Variants in IFTAP observed in about 807,000 individuals in gnomAD.
IFTAP encodes the protein intraflagellar transport associated protein.
IFTAP carries 19 observed loss-of-function variants against 19.4 expected under a neutral mutation model. The ratio of observed to expected loss-of-function variants is 0.98; its 90% CI spans 0.68 to 1.44. The LOEUF (loss-of-function observed/expected upper bound fraction) is 1.44. Ranked by LOEUF, IFTAP falls within the 40% of genes most tolerant of loss-of-function variation. The pLI is 0.00. For synonymous variants in IFTAP, 85 were observed against 83.5 expected (o/e 1.02, Z -0.10); for missense variants, 240 against 253.6 (o/e 0.95, Z 0.36).
At chr11:36,617,580 T>A (rs1367731178) in intron 2 of IFTAP, among the ~76,000 whole-genome samples, 1 of 151,978 alleles carries the variant, frequency 6.6e-6, no homozygotes, top group East Asian at 1.9e-4. Flanking sequence ...AGGCAGTCTG[T>A]TAAAAAGCAG....
At chr11:36,642,484 G>A (rs932329789) in intron 4 of IFTAP, among the ~76,000 whole-genome samples, 10 of 152,252 alleles carry the variant, frequency 6.6e-5, no homozygotes, top group African/African-American at 2.4e-4. Flanking sequence ...AGGAAAAGAG[G>A]AAATCCTCCC....
chr11:36,651,332 C>T (rs922785354), intron 5 of IFTAP, among the ~76,000 whole-genome samples: 8 of 152,182 alleles, frequency 5.3e-5, no homozygotes, highest in African/African-American at 1.7e-4. Flanking sequence ...TTTCATGTGT[C>T]TGTTGGCTGC....
Position 36,648,066 on chromosome 11 carries a change from C to A in IFTAP, c.409C>A (p.Pro137Thr), listed in dbSNP as rs550895322. 1 of 1,613,412 alleles carries A rather than the reference C, an allele frequency of 6.2e-7. No individual in the cohort carries two copies. Among genetic ancestry groups the A allele is most frequent in the South Asian group, 1.1e-5 (1 of 91,020 alleles). The change falls in exon 5 of 6, where the codon CCT (proline) becomes ACT (threonine). Residue 137 changes from proline to threonine, a missense_variant. By Grantham distance (38) the Pro-to-Thr change is conservative (BLOSUM62 -1). Coordinates refer to ENST00000334307, the MANE Select transcript of IFTAP (RefSeq NM_138787.4). ...GGAGCAGGATGTAAGCACCAGCATT[C>A]CTTCCTGTATCCCTTTTGTGGCCCA... ...EVEQDVSTSI[P>T]SCIPFVAQPP...
At chr11:36,609,526 G>T (rs1397598674) in intron 1 of IFTAP, among the ~76,000 whole-genome samples, 1 of 152,054 alleles carries the variant, frequency 6.6e-6, no homozygotes, top group East Asian at 1.9e-4. Context: ...TAGTAGGGAA[G>T]GGGGGGAGTG....
At chr11:36,609,567 G>A (rs1182094366) in intron 1 of IFTAP, among the ~76,000 whole-genome samples, 1 of 152,106 alleles carries the variant, frequency 6.6e-6, no homozygotes, top group Non-Finnish European at 1.5e-5. Flanking sequence ...TGACAGTGAA[G>A]TGTTTAAAGG....
intron 1 of IFTAP, chr11:36,597,572 A>C (rs1851321803): frequency 6.6e-6 from 1 of 152,202 alleles, no homozygotes. Flanking sequence ...GTTGAGTATA[A>C]TGAAAGGACT....
At chr11:36,640,951 A>G (rs1039690080) in intron 4 of IFTAP, among the ~76,000 whole-genome samples, 1 of 152,212 alleles carries the variant, frequency 6.6e-6, no homozygotes, top group African/African-American at 2.4e-5. Flanking sequence ...CAAAAAATTC[A>G]CTGACAAGTT....
At chr11:36,658,297 T>G (rs549383330) in intron 5 of IFTAP, among the ~76,000 whole-genome samples, 1 of 152,156 alleles carries the variant, frequency 6.6e-6, no homozygotes, top group Non-Finnish European at 1.5e-5. Context: ...TACAAGAGAT[T>G]TAAGGCATAC....
intron 2 of IFTAP, among the ~76,000 whole-genome samples, chr11:36,627,859 G>A (rs906554036): frequency 5.3e-5 from 8 of 151,044 alleles, no homozygotes; most frequent in African/African-American, 2.0e-4. Context: ...AAGTTATCTA[G>A]GGCATGCCAA....
At chr11:36,645,011 A>AATC (rs1328769362) in intron 4 of IFTAP, among the ~76,000 whole-genome samples, 1 of 151,632 alleles carries the variant, frequency 6.6e-6, no homozygotes, top group Non-Finnish European at 1.5e-5. Context: ...TAATAATAAT[A>AATC]ATAATAAAGA....
rs1852785834 is a variant in IFTAP, at chr11:36,632,987, A to G, written c.137-297A>G. On this transcript the variant is annotated intron_variant, in intron 2 of 5. Coordinates refer to ENST00000334307, the MANE Select transcript of IFTAP (RefSeq NM_138787.4). ...AATTTAGAAAAAGATGTGATAGGTC[A>G]TGTCTAAGAGTCTCACAAATACTGT... 2.0e-5 allele frequency among the ~76,000 whole-genome samples: 3 copies of G among 151,246 alleles called. 1 individual carries two copies. In the South Asian group the frequency reaches 6.2e-4, roughly 31 times the overall value.
Position 36,602,949 on chromosome 11 carries a change from C to A in IFTAP, c.-23-7132C>A, listed in dbSNP as rs913230579. Among the ~76,000 whole-genome samples, 3 of 152,092 alleles carry A rather than the reference C, an allele frequency of 2.0e-5. No homozygotes were observed. The East Asian group carries it at 5.8e-4, about 29-fold the overall frequency. On this transcript the variant is annotated intron_variant, in intron 1 of 5. Coordinates refer to ENST00000334307, the MANE Select transcript of IFTAP (RefSeq NM_138787.4). ...TACAGATTCCATGTACACAGTTAATCTGTTTTTAAAAAATGATAGGGAGTG... is the reference window on the plus strand; with the variant it reads ...TACAGATTCCATGTACACAGTTAATATGTTTTTAAAAAATGATAGGGAGTG...
chr11:36,619,047 G>A (rs991103348), intron 2 of IFTAP, among the ~76,000 whole-genome samples: 1 of 151,914 alleles, frequency 6.6e-6, no homozygotes, highest in Non-Finnish European at 1.5e-5. Flanking sequence ...ATTTTGCCTG[G>A]GAGATACTGA....
chr11:36,632,811 CG>C (rs1286537097), intron 2 of IFTAP, among the ~76,000 whole-genome samples: 1 of 151,094 alleles, frequency 6.6e-6, no homozygotes, highest in Non-Finnish European at 1.5e-5. Context: ...TGCATGGATA[CG>C]TAAAAAATAT....
intron 2 of IFTAP, among the ~76,000 whole-genome samples, chr11:36,624,819 G>T (rs939502678): frequency 1.1e-4 from 17 of 151,406 alleles, no homozygotes; most frequent in African/African-American, 4.2e-4. Context: ...AGAAGCCTGG[G>T]TCAGATGACT....
chr11:36,625,996 G>A (rs990312145), intron 2 of IFTAP, among the ~76,000 whole-genome samples: 1 of 145,864 alleles, frequency 6.9e-6, no homozygotes, highest in Non-Finnish European at 1.5e-5. Context: ...AACGGTGAAA[G>A]GAGTGTGGAA....
chr11:36,620,570 T>C, intron 2 of IFTAP, among the ~76,000 whole-genome samples: 1 of 152,044 alleles, frequency 6.6e-6, no homozygotes, highest in African/African-American at 2.4e-5. Context: ...GCTGAAGTTG[T>C]TATAATTCAT....
chr11:36,623,364 C>G (rs1213600478), intron 2 of IFTAP, among the ~76,000 whole-genome samples: 2 of 151,244 alleles, frequency 1.3e-5, no homozygotes, highest in Admixed American at 6.6e-5. Flanking sequence ...ACTCCCCCCC[C>G]CACTCAAAGC....
In IFTAP at chr11:36,604,304, T is replaced by G. The variant is rs932294590; in HGVS notation, c.-23-5777T>G. Among the ~76,000 whole-genome samples the G allele has an allele frequency of 8.5e-5, 13 of 152,268 alleles. No individual in the cohort carries two copies. In the East Asian group the frequency reaches 1.7e-3, roughly 20 times the overall value. ...AAGTCTAGATGCTTATACTATCAAC[T>G]TTTTTGGTGATAATGAAGAGGTCTA... On this transcript the variant is annotated intron_variant, in intron 1 of 5. Coordinates refer to ENST00000334307, the MANE Select transcript of IFTAP (RefSeq NM_138787.4).
Sources: gnomAD v4.1 joint callset for allele counts (sites outside exome capture counted in the v4.1 genomes callset) on GRCh38, gnomAD v4.1.1 for gene constraint, MANE v1.5 for transcripts, NCBI Gene and HGNC (gene_info 2026-07-23, HGNC 2026-07-21) for gene names.